Variants in NUFIP2 observed in about 807,000 individuals in gnomAD.
The protein encoded by NUFIP2 is FMR1-interacting protein NUFIP2.
A neutral mutation model predicts 56.9 loss-of-function variants in NUFIP2; 6 were observed. That is an observed-to-expected ratio of 0.11 (90% CI 0.06 to 0.21). The LOEUF (loss-of-function observed/expected upper bound fraction) is 0.21, where lower values mean the gene tolerates loss of function less well. Ranked by LOEUF, NUFIP2 falls within the 10% of genes least tolerant of loss-of-function variation. The pLI is 1.00. For synonymous variants in NUFIP2, 321 were observed against 298.2 expected (o/e 1.08, Z -0.79); for missense variants, 828 against 826.8 (o/e 1.00, Z -0.02).
chr17:29,257,842 T>C lies in NUFIP2; in HGVS notation c.*6697A>G, dbSNP rs763655140. 1 of 152,210 alleles carries C rather than the reference T, an allele frequency of 6.6e-6. No homozygotes were observed. The highest frequency in any genetic ancestry group is 1.5e-5 in the Non-Finnish European group (1 of 68,028). The allele number at this position is 152,210 out of a possible 1,614,324, so 9.4% of individuals were successfully genotyped here. A position where few individuals can be genotyped will look rare whatever the true frequency, so the allele number is the denominator to read the frequency against. ...AGAAGGGAGTGAAGAATCCTTTTAC[T>C]ATTTCCCACTACAGGACAGCCACTA... On this transcript the variant is annotated 3_prime_UTR_variant, in exon 4 of 4. Transcript: ENST00000225388.
At chr17:29,281,645 TG>T (rs1439195583) in intron 2 of NUFIP2, among the ~76,000 whole-genome samples, 1 of 145,534 alleles carries the variant, frequency 6.9e-6, no homozygotes, top group African/African-American at 2.6e-5. Context: ...GCTACGATAG[TG>T]CCACTGCACT....
chr17:29,291,247 A>G (rs1034773420), intron 1 of NUFIP2, among the ~76,000 whole-genome samples: 1 of 152,168 alleles, frequency 6.6e-6, no homozygotes, highest in Non-Finnish European at 1.5e-5. Flanking sequence ...CCCTACTTCC[A>G]AAAGACTCAG....
At position 29,286,201 on chromosome 17, in the gene NUFIP2, A is replaced by G. The variant is rs756539818; in HGVS notation, c.1793T>C (p.Ile598Thr). The change falls in exon 2 of 4, where the codon ATA becomes ACA. Residue 598 changes from isoleucine to threonine, a missense_variant. This residue lies in a region of NUFIP2 where 404 missense variants were observed against 380.3 expected (regional missense o/e 1.06). Transcript: ENST00000225388. The stretch of plus-strand genomic sequence containing the variant: ...GGTGTCTGCTTTCTGCAGGTCACCT[A>G]TATGACTGGGTTCCAAGGATAAGGC... Reference protein sequence around the residue: ...SGALSLEPSHIGDLQKADTSS... With the variant: ...SGALSLEPSHTGDLQKADTSS... 6.2e-7 allele frequency: 1 copy of G among 1,614,066 alleles called. No individual in the cohort carries two copies. The highest frequency in any genetic ancestry group is 2.2e-5 in the East Asian group (1 of 44,888).
In NUFIP2 at chr17:29,287,133, T is replaced by G. The variant is rs372590168; in HGVS notation, c.861A>C (p.Gly287=). 7.4e-6 allele frequency: 12 copies of G among 1,614,058 alleles called. No individual in the cohort carries two copies. Among genetic ancestry groups the G allele is most frequent in the Non-Finnish European group, 1.0e-5 (12 of 1,180,032 alleles). Residue 287 remains glycine (G), a synonymous_variant, in exon 2 of 4, where the codon GGA becomes GGC. Coordinates refer to ENST00000225388, the MANE Select transcript of NUFIP2 (RefSeq NM_020772.3). ...KPIWKYETGP[G]GTSRGKPAVG... ...CAGCAGGTTTTCCTCGACTTGTTCC[T>G]CCAGGCCCAGTTTCATACTTCCAAA...
intron 2 of NUFIP2, among the ~76,000 whole-genome samples, chr17:29,282,586 CCTTT>C (rs2069147080): frequency 6.6e-6 from 1 of 150,880 alleles, no homozygotes; most frequent in African/African-American, 2.4e-5. Context: ...AATAAAAACA[CCTTT>C]CTTTATATAA....
intron 1 of NUFIP2, among the ~76,000 whole-genome samples, chr17:29,290,743 CTT>C (rs1469271202): frequency 3.3e-5 from 5 of 151,404 alleles, no homozygotes; most frequent in Non-Finnish European, 7.4e-5. Context: ...ACAGATATAA[CTT>C]TATCTCCTTA....
intron 2 of NUFIP2, among the ~76,000 whole-genome samples, chr17:29,278,255 A>AT (rs201439121): frequency 0.11 from 16,667 of 149,716 alleles, 1,271 homozygotes; most frequent in African/African-American, 0.22. Flanking sequence ...CTTTATTATT[A>AT]TTTTTTTTTG....
In NUFIP2 at chr17:29,258,318, T is replaced by C. The variant is rs1173533370; in HGVS notation, c.*6221A>G. Reference sequence around the variant, plus strand: ...AGAAATGACTTTTCTTCTTGTCAAGTAGCATTCACTAAAGTTTTCCTTTGC... The same window carrying C: ...AGAAATGACTTTTCTTCTTGTCAAGCAGCATTCACTAAAGTTTTCCTTTGC... On this transcript the variant is annotated 3_prime_UTR_variant, in exon 4 of 4. Transcript: ENST00000225388. 6.6e-6 allele frequency: 1 copy of C among 152,184 alleles called. No individual in the cohort carries two copies. The highest frequency in any genetic ancestry group is 1.5e-5 in the Non-Finnish European group (1 of 68,024). The allele number at this position is 152,184 out of a possible 1,614,324, so 9.4% of individuals were successfully genotyped here. A position where few individuals can be genotyped will look rare whatever the true frequency, so the allele number is the denominator to read the frequency against.
chr17:29,259,948 G>A lies in NUFIP2; in HGVS notation c.*4591C>T, dbSNP rs936583275. On this transcript the variant is annotated 3_prime_UTR_variant, in exon 4 of 4. Transcript: ENST00000225388. ...ATTCATCACTCTCCCAGGTGGTCCT[G>A]GTTCTCACACAGGTGATGTATATTT... 1 of 152,140 alleles carries A rather than the reference G, an allele frequency of 6.6e-6. No individual in the cohort carries two copies. Among genetic ancestry groups the A allele is most frequent in the African/African-American group, 2.4e-5 (1 of 41,422 alleles). The allele number at this position is 152,140 out of a possible 1,614,324, so 9.4% of individuals were successfully genotyped here.
chr17:29,277,574 ATTACAGGTTATTGTACCATGTT>A (rs1345937209), intron 2 of NUFIP2, among the ~76,000 whole-genome samples: 1 of 152,140 alleles, frequency 6.6e-6, no homozygotes, highest in Admixed American at 6.5e-5. Context: ...TTTTTGGATG[ATTACAGGTTATTGTACCATGTT>A]TTGCTATTCT....
intron 2 of NUFIP2, among the ~76,000 whole-genome samples, chr17:29,272,009 A>C (rs2069075974): frequency 7.5e-6 from 1 of 133,992 alleles, no homozygotes; most frequent in Non-Finnish European, 1.6e-5. Flanking sequence ...GGAGGCAGAG[A>C]TTGCAGTGAG....
Position 29,256,976 on chromosome 17 carries a change from C to T in NUFIP2, c.*7563G>A, listed in dbSNP as rs1427914567. 1 of 152,106 alleles carries T rather than the reference C, an allele frequency of 6.6e-6. No individual in the cohort carries two copies. The highest frequency in any genetic ancestry group is 1.5e-5 in the Non-Finnish European group (1 of 68,008). The allele number at this position is 152,106 out of a possible 1,614,324, so 9.4% of individuals were successfully genotyped here. A position where few individuals can be genotyped will look rare whatever the true frequency, so the allele number is the denominator to read the frequency against. ...GTAAAAGCCTATCCTACCTTTAAACCAGCTTTAAGACAAAAAATCGTCACC... is the reference window on the plus strand; with the variant it reads ...GTAAAAGCCTATCCTACCTTTAAACTAGCTTTAAGACAAAAAATCGTCACC... On this transcript the variant is annotated 3_prime_UTR_variant, in exon 4 of 4. Transcript: ENST00000225388.
intron 2 of NUFIP2, among the ~76,000 whole-genome samples, chr17:29,273,662 T>C (rs1374504605): frequency 6.6e-6 from 1 of 152,200 alleles, no homozygotes; most frequent in East Asian, 1.9e-4. Context: ...GCTCTTAAGA[T>C]ATACCCAAGT....
chr17:29,272,088 GGGGAGGGGA>G (rs2069077201), intron 2 of NUFIP2, among the ~76,000 whole-genome samples: 1 of 132,914 alleles, frequency 7.5e-6, no homozygotes. Flanking sequence ...GGGGAGGGGA[GGGGAGGGGA>G]GGGGAGGGGA....
rs537101515 is a variant in NUFIP2, at chr17:29,268,595, G to GC, written c.2003-1066dup. On this transcript the variant is annotated intron_variant, in intron 2 of 3. Coordinates refer to ENST00000225388, the MANE Select transcript of NUFIP2 (RefSeq NM_020772.3). ...CGCAATGGCACGATCTCGGCTCACC[G>GC]CAACATCCCCCTCCCGGGTTCAAGC... is the stretch of plus-strand genomic sequence containing the variant. Among the ~76,000 whole-genome samples the GC allele has an allele frequency of 2.6e-5, 4 of 152,130 alleles. No individual in the cohort carries two copies. The East Asian group carries it at 7.7e-4, about 29-fold the overall frequency.
chr17:29,285,718 A>C (rs778603976), intron 2 of NUFIP2, among the ~76,000 whole-genome samples: 38 of 152,148 alleles, frequency 2.5e-4, no homozygotes, highest in Non-Finnish European at 4.0e-4. Context: ...ACCTTTAAGC[A>C]AGTTCTCCTC....
intron 2 of NUFIP2, among the ~76,000 whole-genome samples, chr17:29,285,760 ATGTT>A (rs1341013585): frequency 6.6e-6 from 1 of 152,148 alleles, no homozygotes. Flanking sequence ...TAGGTCAATT[ATGTT>A]TGTATTTTTA....
Position 29,282,041 on chromosome 17 carries a change from C to T in NUFIP2, c.2002+3951G>A, listed in dbSNP as rs184554058. Among the ~76,000 whole-genome samples the T allele has an allele frequency of 3.5e-3, 530 of 151,762 alleles. 2 individuals are homozygous for T. The highest frequency in any genetic ancestry group is 6.2e-3 in the Non-Finnish European group (420 of 67,916). ...CCTCCCAAAGTGCTGGGATTACAGGCGTGAGCCACCGCACCCAGCACAAAT... is the reference window on the plus strand; with the variant it reads ...CCTCCCAAAGTGCTGGGATTACAGGTGTGAGCCACCGCACCCAGCACAAAT... On this transcript the variant is annotated intron_variant, in intron 2 of 3. Coordinates refer to ENST00000225388, the MANE Select transcript of NUFIP2 (RefSeq NM_020772.3).
chr17:29,256,113 A>C lies in NUFIP2; in HGVS notation c.*8426T>G, dbSNP rs1034732038. On this transcript the variant is annotated 3_prime_UTR_variant, in exon 4 of 4. Coordinates refer to ENST00000225388, the MANE Select transcript of NUFIP2 (RefSeq NM_020772.3). ...GGGAAAATTTCTGGTGACTGTTCTTATATGTAGAAAAGACCTATATTTTTG... is the reference window on the plus strand; with the variant it reads ...GGGAAAATTTCTGGTGACTGTTCTTCTATGTAGAAAAGACCTATATTTTTG... 1 of 152,224 alleles carries C rather than the reference A, an allele frequency of 6.6e-6. No homozygotes were observed. Among genetic ancestry groups the C allele is most frequent in the Non-Finnish European group, 1.5e-5 (1 of 68,030 alleles). 9.4% of individuals were successfully genotyped at this position (152,224 alleles called of 1,614,324 possible). A position where few individuals can be genotyped will look rare whatever the true frequency, so the allele number is the denominator to read the frequency against.
Sources: gnomAD v4.1 joint callset for allele counts (sites outside exome capture counted in the v4.1 genomes callset) on GRCh38, gnomAD v4.1.1 for gene constraint, gnomAD v4.1.1 regional missense constraint, MANE v1.5 for transcripts, NCBI Gene and HGNC (gene_info 2026-07-23, HGNC 2026-07-21) for gene names.